Variants in CNTN5 observed in about 807,000 individuals in gnomAD.
The protein encoded by CNTN5 is contactin 5.
A neutral mutation model predicts 129.1 loss-of-function variants in CNTN5; 77 were observed. The ratio of observed to expected loss-of-function variants is 0.60; its 90% confidence interval spans 0.50 to 0.72. The LOEUF (loss-of-function observed/expected upper bound fraction) is 0.72. Ranked by LOEUF, CNTN5 falls within the 30% of genes least tolerant of loss-of-function variation. The pLI is 0.00. For missense variants in CNTN5, 1,478 were observed against 1,328.8 expected (o/e 1.11, Z -1.75); for synonymous variants, 509 against 465.6 (o/e 1.09, Z -1.20).
intron 1 of CNTN5, among the ~76,000 whole-genome samples, chr11:99,043,564 G>A (rs1403513845): frequency 6.6e-6 from 1 of 152,152 alleles, no homozygotes; most frequent in Non-Finnish European, 1.5e-5. Context: ...ATAGACTACA[G>A]GGAGCTTCCT....
At position 100,237,335 on chromosome 11, in the gene CNTN5, G is replaced by A. The variant is rs76303064; in HGVS notation, c.2005+12523G>A. Reference sequence around the variant, plus strand: ...TCACTCTAGTCTCTATTCCCCAATCGTACTTTATTTCAGTCTGTGTTCCAA... The same window carrying A: ...TCACTCTAGTCTCTATTCCCCAATCATACTTTATTTCAGTCTGTGTTCCAA... On this transcript the variant is annotated intron_variant, in intron 16 of 24. Coordinates refer to ENST00000524871, the MANE Select transcript of CNTN5 (RefSeq NM_014361.4). 7.7e-3 allele frequency among the ~76,000 whole-genome samples: 1,175 copies of A among 152,056 alleles called. 17 individuals carry two copies. Among genetic ancestry groups the A allele is most frequent in the African/African-American group, 0.027 (1,116 of 41,476 alleles).
chr11:99,891,370 G>C (rs560644398), intron 6 of CNTN5, among the ~76,000 whole-genome samples: 1 of 151,964 alleles, frequency 6.6e-6, no homozygotes, highest in East Asian at 1.9e-4. Flanking sequence ...TGGGGCACTA[G>C]TTCAGAACGT....
intron 6 of CNTN5, among the ~76,000 whole-genome samples, chr11:99,913,124 C>G (rs953427964): frequency 1.3e-5 from 2 of 152,020 alleles, no homozygotes; most frequent in African/African-American, 4.8e-5. Context: ...TGAACCTGCA[C>G]ATACATCCAC....
intron 2 of CNTN5, among the ~76,000 whole-genome samples, chr11:99,503,089 T>C (rs1333952392): frequency 6.6e-6 from 1 of 152,252 alleles, no homozygotes; most frequent in Non-Finnish European, 1.5e-5. Flanking sequence ...TTTAAGTCCT[T>C]TTTAATTTTT....
chr11:99,956,632 G>A (rs888228612), intron 7 of CNTN5, among the ~76,000 whole-genome samples, 174 bp from the exon 8 acceptor site: 3 of 152,152 alleles, frequency 2.0e-5, no homozygotes, highest in East Asian at 1.9e-4. Flanking sequence ...AGATCTCACC[G>A]TAGTCATTAA....
chr11:100,303,048 T>C lies in CNTN5; in HGVS notation c.2620+3652T>C, dbSNP rs116730145. ...CTAACACCCGTAAGCCTTTGAAACC[T>C]TTCAATGTTGCCACAAGAGAAGCAA... On this transcript the variant is annotated intron_variant, in intron 20 of 24. Coordinates refer to ENST00000524871, the MANE Select transcript of CNTN5 (RefSeq NM_014361.4). Among the ~76,000 whole-genome samples the C allele has an allele frequency of 2.9e-3, 434 of 151,682 alleles. 2 individuals are homozygous for C. Among genetic ancestry groups the C allele is most frequent in the African/African-American group, 9.9e-3 (409 of 41,476 alleles).
At chr11:99,699,159 T>A (rs1489438131) in intron 3 of CNTN5, among the ~76,000 whole-genome samples, 1 of 151,336 alleles carries the variant, frequency 6.6e-6, no homozygotes, top group East Asian at 1.9e-4. Flanking sequence ...TCGTGATGAT[T>A]TTCCTGAACA....
At chr11:99,816,601 T>G (rs1946594379) in intron 3 of CNTN5, among the ~76,000 whole-genome samples, 1 of 152,188 alleles carries the variant, frequency 6.6e-6, no homozygotes, top group Non-Finnish European at 1.5e-5. Context: ...ATACGTATTA[T>G]CTCCCCATTT....
intron 1 of CNTN5, among the ~76,000 whole-genome samples, chr11:99,288,512 C>A (rs1864037477): frequency 6.6e-6 from 1 of 151,776 alleles, no homozygotes; most frequent in African/African-American, 2.4e-5. Flanking sequence ...TGTAATTGAT[C>A]TTAGTGTTAT....
At chr11:100,209,399 T>C (rs1308408762) in intron 15 of CNTN5, among the ~76,000 whole-genome samples, 1 of 152,192 alleles carries the variant, frequency 6.6e-6, no homozygotes, top group Non-Finnish European at 1.5e-5. Flanking sequence ...GGATCCTTTT[T>C]TACTGAATTA....
intron 2 of CNTN5, among the ~76,000 whole-genome samples, chr11:99,497,668 G>T (rs566426200): frequency 6.6e-6 from 1 of 152,200 alleles, no homozygotes; most frequent in Non-Finnish European, 1.5e-5. Flanking sequence ...TTATGAGCTT[G>T]AAAATAAACT....
At chr11:99,594,349 A>C (rs1341756774) in intron 3 of CNTN5, among the ~76,000 whole-genome samples, 1 of 152,204 alleles carries the variant, frequency 6.6e-6, no homozygotes, top group Non-Finnish European at 1.5e-5. Context: ...CAGACAAGTG[A>C]GGCTTTAACA....
intron 2 of CNTN5, among the ~76,000 whole-genome samples, chr11:99,541,152 G>A (rs374369064): frequency 2.2e-4 from 34 of 152,210 alleles, no homozygotes; most frequent in African/African-American, 7.9e-4. Flanking sequence ...GAAGATTTAA[G>A]GACACCAGGT....
At chr11:99,157,594 A>G (rs1860397022) in intron 1 of CNTN5, among the ~76,000 whole-genome samples, 1 of 152,134 alleles carries the variant, frequency 6.6e-6, no homozygotes, top group African/African-American at 2.4e-5. Context: ...TGGTAAAAAT[A>G]TACCTATACT....
intron 3 of CNTN5, among the ~76,000 whole-genome samples, chr11:99,786,329 C>T (rs1945522366): frequency 6.6e-6 from 1 of 152,054 alleles, no homozygotes; most frequent in South Asian, 2.1e-4. Context: ...AGGAGAACTA[C>T]AAACCGCTGC....
rs111536559 is a variant in CNTN5, at chr11:100,168,464, C to T, written c.1581-22662C>T. Among the ~76,000 whole-genome samples the T allele has an allele frequency of 9.9e-3, 1,502 of 152,042 alleles. 22 individuals are homozygous for T. The highest frequency in any genetic ancestry group is 0.031 in the African/African-American group (1,295 of 41,520). On this transcript the variant is annotated intron_variant, in intron 13 of 24. Coordinates refer to ENST00000524871, the MANE Select transcript of CNTN5 (RefSeq NM_014361.4). ...AGGGCTCTTGAGAATTATGCTAAAT[C>T]TACTCTGCCTATGCTCTATAAATGA...
chr11:99,573,734 A>G (rs955433124), intron 3 of CNTN5, among the ~76,000 whole-genome samples: 2 of 151,624 alleles, frequency 1.3e-5, no homozygotes, highest in African/African-American at 2.4e-5. Context: ...GGTTCAAGAG[A>G]TTCTCCTGCC....
At chr11:100,001,092 C>T (rs1478506925) in intron 8 of CNTN5, among the ~76,000 whole-genome samples, 1 of 152,212 alleles carries the variant, frequency 6.6e-6, no homozygotes, top group Non-Finnish European at 1.5e-5. Context: ...ACTATTAACA[C>T]TCAGCTCCTC....
At chr11:99,684,725 A>T (rs868227576) in intron 3 of CNTN5, among the ~76,000 whole-genome samples, 3 of 151,864 alleles carry the variant, frequency 2.0e-5, no homozygotes, top group Non-Finnish European at 4.4e-5. Context: ...TCCATTTCAA[A>T]TAATTTTCGT....
Sources: allele counts gnomAD v4.1 joint callset (sites outside exome capture counted in the v4.1 genomes callset), GRCh38; gene constraint gnomAD v4.1.1; transcripts MANE v1.5; gene names NCBI Gene and HGNC (gene_info 2026-07-23, HGNC 2026-07-21).